Variants in SPAG1 observed in about 807,000 individuals in gnomAD.
The protein encoded by SPAG1 is sperm-associated antigen 1.
A neutral mutation model predicts 100.5 loss-of-function variants in SPAG1; 69 were observed. That is an observed-to-expected ratio of 0.69 (90% CI 0.57 to 0.84). SPAG1 has a LOEUF of 0.84. Ranked by LOEUF, SPAG1 falls within the 40% of genes least tolerant of loss-of-function variation. The probability of loss-of-function intolerance (pLI) is 0.00; values close to 1 mark genes in which losing one functional copy is unlikely to be tolerated. For missense variants in SPAG1, 955 were observed against 1,133.1 expected, an observed-to-expected ratio of 0.84 and a Z score of 2.26; for synonymous variants, 336 against 411.6, an observed-to-expected ratio of 0.82 and a Z score of 2.22.
chr8:100,158,689 G>C (rs1563763856), intron 1 of SPAG1, 73 bp downstream of exon 1: 1 of 152,212 alleles, frequency 6.6e-6, no homozygotes, highest in Admixed American at 6.5e-5. Flanking sequence ...AATCCAGCTA[G>C]GATCGAAGGT....
At chr8:100,213,636 G>T (rs1161920580) in intron 11 of SPAG1, among the ~76,000 whole-genome samples, 183 bp from the exon 12 acceptor site, 2 of 152,208 alleles carry the variant, frequency 1.3e-5, no homozygotes, top group African/African-American at 2.4e-5. Flanking sequence ...AGGCACGTTT[G>T]CCTCCGTCCC....
At chr8:100,180,500 G>T (rs1816322194) in intron 4 of SPAG1, among the ~76,000 whole-genome samples, 2 of 152,146 alleles carry the variant, frequency 1.3e-5, no homozygotes, top group Admixed American at 6.5e-5. Flanking sequence ...CAAATTTCAA[G>T]ATCTAATTGG....
At chr8:100,196,154 T>G (rs566056373) in intron 10 of SPAG1, among the ~76,000 whole-genome samples, 29 of 152,336 alleles carry the variant, frequency 1.9e-4, no homozygotes, top group African/African-American at 6.7e-4. Flanking sequence ...CAGTATTCAC[T>G]AATCATGAGT....
At chr8:100,229,808 G>A (rs1421785506) in intron 14 of SPAG1, among the ~76,000 whole-genome samples, 1 of 152,210 alleles carries the variant, frequency 6.6e-6, no homozygotes, top group Non-Finnish European at 1.5e-5. Flanking sequence ...AATGCCTCAA[G>A]TAAGCAAAAA....
At chr8:100,195,901 C>T (rs1204645974) in intron 10 of SPAG1, among the ~76,000 whole-genome samples, 1 of 152,140 alleles carries the variant, frequency 6.6e-6, no homozygotes, top group Non-Finnish European at 1.5e-5. Flanking sequence ...TTCAGTGAAA[C>T]CCTTCCCTCA....
chr8:100,178,994 C>G (rs1431719996), intron 4 of SPAG1, among the ~76,000 whole-genome samples: 1 of 149,468 alleles, frequency 6.7e-6, no homozygotes, highest in Non-Finnish European at 1.5e-5. Context: ...TCCTGGGAGG[C>G]TGAGGCACGA....
rs1819140514 is a variant in SPAG1 at position 100,239,157 on chromosome 8, AC to A, written c.2116-82del. 3 of 816,260 alleles carry A rather than the reference AC, an allele frequency of 3.7e-6. No individual in the cohort carries two copies. The Admixed American group carries it at 8.0e-5, about 22-fold the overall frequency. 50.6% of individuals were successfully genotyped at this position (816,260 alleles called of 1,614,324 possible). On this transcript the variant is annotated intron_variant, in intron 16 of 18. Transcript: ENST00000388798. The surrounding 1 kb of genome is among the most constrained non-coding windows in gnomAD (Gnocchi z 5.0). The stretch of plus-strand genomic sequence containing the variant: ...ACCCTGCACACATACTGCACAGCTC[AC>A]TACATCCACCCCACTCCCACTCAGG...
intron 10 of SPAG1, among the ~76,000 whole-genome samples, chr8:100,208,899 T>C (rs965989270): frequency 6.6e-6 from 1 of 152,170 alleles, no homozygotes; most frequent in Non-Finnish European, 1.5e-5. Context: ...GGGTTCAAAT[T>C]GACAAGGGGT....
intron 3 of SPAG1, among the ~76,000 whole-genome samples, chr8:100,174,475 G>C (rs1354528805): frequency 6.6e-6 from 1 of 152,154 alleles, no homozygotes; most frequent in African/African-American, 2.4e-5. Context: ...GATGAAAGGA[G>C]AGGCAGGTGC....
rs1330765503 is a variant in SPAG1 at position 100,183,437 on chromosome 8, G to A, written c.488+1G>A. On this transcript the variant is annotated splice_donor_variant, in intron 5 of 18. Coordinates refer to ENST00000388798, the MANE Select transcript of SPAG1 (RefSeq NM_003114.5). LOFTEE classifies it high-confidence loss of function. Reference sequence around the variant, plus strand: ...CAAGGGATTACGCGGAATGGGATAAGTATGTTTTACATGTCTTTATATAAA... The same window carrying A: ...CAAGGGATTACGCGGAATGGGATAAATATGTTTTACATGTCTTTATATAAA... 8 of 1,463,140 alleles carry A rather than the reference G, an allele frequency of 5.5e-6. No individual in the cohort carries two copies. The highest frequency in any genetic ancestry group is 2.8e-5 in the African/African-American group (2 of 70,816). The allele number at this position is 1,463,140 out of a possible 1,614,324, so 90.6% of individuals were successfully genotyped here.
intron 10 of SPAG1, among the ~76,000 whole-genome samples, chr8:100,195,213 A>G (rs988908533): frequency 5.3e-5 from 8 of 151,944 alleles, no homozygotes; most frequent in Non-Finnish European, 1.0e-4. Context: ...CCTTCTTGAG[A>G]ACACCTGAGC....
chr8:100,231,037 A>G, intron 14 of SPAG1, 119 bp from the exon 15 acceptor site: 1 of 736,184 alleles, frequency 1.4e-6, no homozygotes, highest in Middle Eastern at 4.6e-4. Flanking sequence ...TTAGATTTTC[A>G]CCCTGCATGC....
intron 12 of SPAG1, among the ~76,000 whole-genome samples, 173 bp from the exon 13 acceptor site, chr8:100,220,106 A>T (rs942729671): frequency 1.3e-5 from 2 of 152,146 alleles, no homozygotes; most frequent in Non-Finnish European, 2.9e-5. Context: ...GAACACAAAT[A>T]TGATTGCTTT....
intron 10 of SPAG1, among the ~76,000 whole-genome samples, chr8:100,209,448 A>G (rs1162888215): frequency 1.3e-5 from 2 of 149,792 alleles, no homozygotes; most frequent in African/African-American, 4.9e-5. Flanking sequence ...AAGAAGAAGA[A>G]AAGAGAGTCC....
chr8:100,225,674 C>T (rs1213582094), intron 14 of SPAG1, among the ~76,000 whole-genome samples: 2 of 151,854 alleles, frequency 1.3e-5, no homozygotes, highest in African/African-American at 4.8e-5. Flanking sequence ...AGGGTTTCAC[C>T]ATGTTGGCCA....
At chr8:100,174,576 C>T (rs1414003120) in intron 3 of SPAG1, among the ~76,000 whole-genome samples, 2 of 152,178 alleles carry the variant, frequency 1.3e-5, no homozygotes, top group Admixed American at 1.3e-4. Flanking sequence ...GGTACCAATC[C>T]TTCTTCCACC....
chr8:100,196,155 A>G (rs1817021146), intron 10 of SPAG1, among the ~76,000 whole-genome samples: 1 of 152,218 alleles, frequency 6.6e-6, no homozygotes, highest in Non-Finnish European at 1.5e-5. Flanking sequence ...AGTATTCACT[A>G]ATCATGAGTA....
intron 4 of SPAG1, among the ~76,000 whole-genome samples, chr8:100,178,645 C>T (rs890372143): frequency 6.6e-6 from 1 of 152,146 alleles, no homozygotes; most frequent in Non-Finnish European, 1.5e-5. Flanking sequence ...TTCTTTGAAT[C>T]AATTTTATTT....
At chr8:100,161,422 T>C (rs1175849434) in intron 1 of SPAG1, among the ~76,000 whole-genome samples, 1 of 152,148 alleles carries the variant, frequency 6.6e-6, no homozygotes, top group Admixed American at 6.5e-5. Context: ...AACACAGACC[T>C]CCATAACAAT....
Sources: gnomAD v4.1 joint callset for allele counts (sites outside exome capture counted in the v4.1 genomes callset) on GRCh38, gnomAD v4.1.1 for gene constraint, Gnocchi (gnomAD v3.1) non-coding constraint, MANE v1.5 for transcripts, NCBI Gene and HGNC (gene_info 2026-07-23, HGNC 2026-07-21) for gene names.